The following CFAP251 variants were observed in gnomAD, a reference collection of about 807,000 sequenced individuals.
CFAP251 encodes the protein cilia and flagella associated protein 251.
Under a neutral mutation model 126.7 loss-of-function variants are expected in CFAP251, and 93 were observed. The observed-to-expected ratio is 0.73, with a 90% confidence interval of 0.62 to 0.87. The LOEUF is 0.87. Among genes scored for constraint, CFAP251 ranks in the 40% least tolerant of loss-of-function variants. The pLI is 0.00. For missense variants in CFAP251, 1,287 were observed against 1,389.2 expected, an observed-to-expected ratio of 0.93 and a Z score of 1.17; for synonymous variants, 503 against 506.9, an observed-to-expected ratio of 0.99 and a Z score of 0.10.
intron 7 of CFAP251, among the ~76,000 whole-genome samples, chr12:121,944,443 G>A (rs189654199): frequency 2.0e-5 from 3 of 152,318 alleles, no homozygotes; most frequent in Admixed American, 1.3e-4. Flanking sequence ...TTTTGATAGC[G>A]ATAGTGTTGA....
chr12:121,968,996 G>A, intron 17 of CFAP251: 1 of 985,320 alleles, frequency 1.0e-6, no homozygotes, highest in Non-Finnish European at 1.2e-6. Flanking sequence ...AGTCAACCAT[G>A]TGGCAGCCGG....
At chr12:121,983,031 A>T (rs1200494995) in intron 19 of CFAP251, among the ~76,000 whole-genome samples, 1 of 152,212 alleles carries the variant, frequency 6.6e-6, no homozygotes, top group Admixed American at 6.5e-5. Flanking sequence ...TAGGAGTTCA[A>T]GACCAGTCTG....
chr12:121,935,932 T>C (rs963486918), intron 5 of CFAP251, among the ~76,000 whole-genome samples: 1 of 152,200 alleles, frequency 6.6e-6, no homozygotes, highest in African/African-American at 2.4e-5. Context: ...CCTTTCTTCC[T>C]AACTCATCAA....
chr12:121,967,005 T>A lies in CFAP251; in HGVS notation c.2543T>A (p.Val848Asp). ...AYGSPIEQTQ[V>D]LPVRSMAELQ... ...GGTTCCCCTATTGAGCAGACACAAG[T>A]CCTCCCAGTGAGAAGCATGGCGGAG... Residue 848 changes from valine (V) to aspartate (D), a missense_variant, in exon 16 of 22, where the codon GTC becomes GAC. Coordinates refer to ENST00000288912, the MANE Select transcript of CFAP251 (RefSeq NM_144668.6). 1.4e-5 allele frequency: 22 copies of A among 1,614,230 alleles called. No individual in the cohort carries two copies. Among genetic ancestry groups the A allele is most frequent in the Non-Finnish European group, 1.9e-5 (22 of 1,180,024 alleles).
In CFAP251 at chr12:121,976,005, T is replaced by G. The variant is rs547721561; in HGVS notation, c.3006+320T>G. On this transcript the variant is annotated intron_variant, in intron 19 of 21. Coordinates refer to ENST00000288912, the MANE Select transcript of CFAP251 (RefSeq NM_144668.6). Reference sequence around the variant, plus strand: ...TAGGTGAGGACCAGCCTCGTAGGATTTTTTTCTTTTTTTTTTTTTTTGAGG... The same window carrying G: ...TAGGTGAGGACCAGCCTCGTAGGATGTTTTTCTTTTTTTTTTTTTTTGAGG... 3.4e-4 allele frequency among the ~76,000 whole-genome samples: 52 copies of G among 151,620 alleles called. 1 individual carries two copies. The highest frequency in any genetic ancestry group is 6.8e-4 in the Non-Finnish European group (46 of 67,866).
At chr12:121,971,765 T>A (rs1051810332) in intron 17 of CFAP251, 2 of 602,488 alleles carry the variant, frequency 3.3e-6, no homozygotes, top group Non-Finnish European at 3.0e-6. Context: ...TGATATGGTT[T>A]GGCTCTGTGT....
At chr12:121,945,600 C>A (rs1185743357) in intron 7 of CFAP251, among the ~76,000 whole-genome samples, 1 of 151,790 alleles carries the variant, frequency 6.6e-6, no homozygotes, top group Non-Finnish European at 1.5e-5. Context: ...GCCTTGGCCT[C>A]CCAAAGTGCT....
chr12:121,934,899 C>T (rs1443388741), intron 5 of CFAP251, among the ~76,000 whole-genome samples: 2 of 152,194 alleles, frequency 1.3e-5, no homozygotes, highest in African/African-American at 2.4e-5. Flanking sequence ...CATGAACTCC[C>T]AGGATCAAGA....
chr12:121,988,881 G>A (rs1395220240), intron 19 of CFAP251, among the ~76,000 whole-genome samples: 1 of 151,674 alleles, frequency 6.6e-6, no homozygotes, highest in Non-Finnish European at 1.5e-5. Context: ...GACTACAGGT[G>A]CCCGCCCCCA....
chr12:121,954,054 C>T (rs1160859889), intron 9 of CFAP251, 66 bp from the exon 10 acceptor site: 18 of 1,312,960 alleles, frequency 1.4e-5, no homozygotes, highest in South Asian at 2.6e-5. Context: ...TATAAAATAT[C>T]GTATTGATAA....
At chr12:121,975,771 A>C in intron 19 of CFAP251, 86 bp downstream of exon 19, 1 of 1,417,512 alleles carries the variant, frequency 7.1e-7, no homozygotes, top group East Asian at 2.4e-5. Context: ...GGTCAAAGCA[A>C]AAATTGCACA....
intron 21 of CFAP251, 96 bp downstream of exon 21, chr12:122,001,694 C>T: frequency 1.1e-6 from 1 of 887,068 alleles, no homozygotes; most frequent in Non-Finnish European, 1.9e-6. Flanking sequence ...GCAAGCCACT[C>T]TCCCTAAGAC....
Position 121,957,125 on chromosome 12 carries a change from CCTGT to C in CFAP251, c.1590_1593del (p.Ser531LeufsTer8). On this transcript the variant is annotated frameshift_variant, in exon 11 of 22. Transcript: ENST00000288912. LOFTEE classifies it high-confidence loss of function. ...GGAACATTAAGTTCTATGATCACAC[CCTGT>C]CTATTGTTAACTGGTACAGTCACTT... 1 of 1,612,876 alleles carries C rather than the reference CCTGT, an allele frequency of 6.2e-7. No homozygotes were observed. Among genetic ancestry groups the C allele is most frequent in the Non-Finnish European group, 8.5e-7 (1 of 1,179,560 alleles).
At chr12:121,969,906 G>C (rs1013163574) in intron 17 of CFAP251, 1 of 985,336 alleles carries the variant, frequency 1.0e-6, no homozygotes, top group Non-Finnish European at 1.2e-6. Flanking sequence ...CCAGGCTTCT[G>C]AGAATTTCAA....
rs552405171 is a variant in CFAP251, at chr12:121,919,660, C to T, written c.-21+965C>T. ...TACGTGGTGGAAATGGGATTCAATG[C>T]TAGGACAAGCTGACAGCAAGGCCCT... is the stretch of plus-strand genomic sequence containing the variant. On this transcript the variant is annotated intron_variant, in intron 1 of 21. Coordinates refer to ENST00000288912, the MANE Select transcript of CFAP251 (RefSeq NM_144668.6). Among the ~76,000 whole-genome samples the T allele has an allele frequency of 1.4e-3, 218 of 152,252 alleles. 2 individuals are homozygous for T. The highest frequency in any genetic ancestry group is 3.3e-3 in the South Asian group (16 of 4,822).
chr12:121,990,045 C>T (rs1259274724), intron 19 of CFAP251, among the ~76,000 whole-genome samples: 5 of 151,970 alleles, frequency 3.3e-5, no homozygotes, highest in East Asian at 1.9e-4. Context: ...CTGGAGCAGT[C>T]GGGGCAACAG....
intron 10 of CFAP251, among the ~76,000 whole-genome samples, chr12:121,954,661 A>C (rs1054698730): frequency 2.0e-5 from 3 of 146,964 alleles, no homozygotes; most frequent in Admixed American, 1.4e-4. Context: ...AAAAAAAAAA[A>C]AAAAAAACCT....
rs959850917 is a variant in CFAP251, at chr12:121,951,340, A to G, written c.1270-140A>G. On this transcript the variant is annotated intron_variant, in intron 8 of 21. Transcript: ENST00000288912. The stretch of plus-strand genomic sequence containing the variant: ...TCAGAATGTTTTTAGATATTTCCCA[A>G]GACAGCAAGTTCTCTTACCTGTAGA... 5 of 479,092 alleles carry G rather than the reference A, an allele frequency of 1.0e-5. No individual in the cohort carries two copies. Among genetic ancestry groups the G allele is most frequent in the Admixed American group, 6.8e-5 (2 of 29,290 alleles). The allele number at this position is 479,092 out of a possible 1,614,324, so 29.7% of individuals were successfully genotyped here.
intron 17 of CFAP251, among the ~76,000 whole-genome samples, chr12:121,972,793 C>A (rs548581238): frequency 1.3e-5 from 2 of 152,194 alleles, no homozygotes; most frequent in East Asian, 1.9e-4. Flanking sequence ...TGGCCTCTGG[C>A]GGAAGAAATT....
Sources: allele counts gnomAD v4.1 joint callset (sites outside exome capture counted in the v4.1 genomes callset), GRCh38; gene constraint gnomAD v4.1.1; transcripts MANE v1.5; gene names NCBI Gene and HGNC (gene_info 2026-07-23, HGNC 2026-07-21).